Variants in NEURL1 observed in about 807,000 individuals in gnomAD.
NEURL1 encodes E3 ubiquitin-protein ligase NEURL1.
A neutral mutation model predicts 41.2 loss-of-function variants in NEURL1; 26 were observed. The observed-to-expected ratio is 0.63, with a 90% CI of 0.46 to 0.87. The LOEUF (loss-of-function observed/expected upper bound fraction) is 0.87, where lower values mean the gene tolerates loss of function less well. Ranked by LOEUF, NEURL1 falls within the 40% of genes least tolerant of loss-of-function variation. The pLI is 0.00. For synonymous variants in NEURL1, 400 were observed against 402.3 expected, an observed-to-expected ratio of 0.99 and a Z score of 0.07; for missense variants, 761 against 871.1, an observed-to-expected ratio of 0.87 and a Z score of 1.59.
intron 1 of NEURL1, among the ~76,000 whole-genome samples, chr10:103,504,699 G>A (rs968789148): frequency 6.6e-6 from 1 of 152,222 alleles, no homozygotes; most frequent in Non-Finnish European, 1.5e-5. Context: ...CTCCACAGGG[G>A]TGGGTGTTTA....
chr10:103,577,843 C>T (rs1444061558), intron 3 of NEURL1: 1 of 152,236 alleles, frequency 6.6e-6, no homozygotes, highest in Non-Finnish European at 1.5e-5. Flanking sequence ...TTGTCTGGTT[C>T]AGTTATTCCT....
chr10:103,535,109 G>A (rs1674664347), intron 1 of NEURL1, among the ~76,000 whole-genome samples: 2 of 152,132 alleles, frequency 1.3e-5, no homozygotes, highest in African/African-American at 4.8e-5. Flanking sequence ...CTAGAACAAG[G>A]GATTGTGGGG....
chr10:103,587,886 A>G (rs1309439940), intron 4 of NEURL1, among the ~76,000 whole-genome samples: 1 of 152,244 alleles, frequency 6.6e-6, no homozygotes, highest in Non-Finnish European at 1.5e-5. Context: ...CTTAGAAATA[A>G]TAACACAACT....
chr10:103,572,660 C>A (rs543444140), intron 3 of NEURL1, among the ~76,000 whole-genome samples: 1 of 152,356 alleles, frequency 6.6e-6, no homozygotes, highest in Non-Finnish European at 1.5e-5. Context: ...AGGACTAGAA[C>A]TCAGGTCACC....
At chr10:103,514,190 A>G (rs1380460537) in intron 1 of NEURL1, among the ~76,000 whole-genome samples, 1 of 151,780 alleles carries the variant, frequency 6.6e-6, no homozygotes, top group Non-Finnish European at 1.5e-5. Context: ...CTGGGGTTCA[A>G]GCAATTCTCC....
At chr10:103,551,198 T>C (rs191447643) in intron 1 of NEURL1, among the ~76,000 whole-genome samples, 10 of 152,074 alleles carry the variant, frequency 6.6e-5, no homozygotes, top group Admixed American at 2.0e-4. Flanking sequence ...TGGTGTATAG[T>C]GGGCACTCAG....
intron 1 of NEURL1, among the ~76,000 whole-genome samples, chr10:103,560,005 G>A (rs541114377): frequency 3.3e-4 from 50 of 151,004 alleles, no homozygotes; most frequent in African/African-American, 8.0e-4. Flanking sequence ...CACAATGCAC[G>A]CACACATGCA....
chr10:103,565,828 T>C (rs554520525), intron 1 of NEURL1, among the ~76,000 whole-genome samples: 1 of 152,124 alleles, frequency 6.6e-6, no homozygotes, highest in East Asian at 1.9e-4. Flanking sequence ...GTTTTGTAGT[T>C]TTTTTGTAGA....
chr10:103,495,846 G>A (rs183390738), intron 1 of NEURL1, among the ~76,000 whole-genome samples: 35 of 152,326 alleles, frequency 2.3e-4, no homozygotes, highest in Admixed American at 2.0e-3. Flanking sequence ...GGTGGCTCAC[G>A]CCTGTAATCC....
At position 103,556,490 on chromosome 10, in the gene NEURL1, C is replaced by T. The variant is rs1282182328; in HGVS notation, c.86-14382C>T. Among the ~76,000 whole-genome samples, 1 of 152,120 alleles carries T rather than the reference C, an allele frequency of 6.6e-6. No individual in the cohort carries two copies. Among genetic ancestry groups the T allele is most frequent in the Non-Finnish European group, 1.5e-5 (1 of 68,008 alleles). On this transcript the variant is annotated intron_variant, in intron 1 of 5. Coordinates refer to ENST00000369780, the MANE Select transcript of NEURL1 (RefSeq NM_004210.5). The surrounding 1 kb of genome is among the most constrained non-coding windows in gnomAD (Gnocchi z 4.4). The stretch of plus-strand genomic sequence containing the variant: ...TGGGCACTGAGGAGCCTGGGAGAGG[C>T]TCAGGAAGGAAGGAGGGTGGTGGCA...
chr10:103,564,150 G>T (rs777387872), intron 1 of NEURL1, among the ~76,000 whole-genome samples: 11 of 152,192 alleles, frequency 7.2e-5, no homozygotes, highest in Non-Finnish European at 1.3e-4. Flanking sequence ...CTGGGACCCC[G>T]CTGAGAGGCA....
chr10:103,569,676 C>T (rs1413351200), intron 1 of NEURL1, among the ~76,000 whole-genome samples: 1 of 152,236 alleles, frequency 6.6e-6, no homozygotes, highest in Non-Finnish European at 1.5e-5. Flanking sequence ...CTGAGCATTT[C>T]CAGCCCTCAT....
chr10:103,509,037 C>A (rs9419953), intron 1 of NEURL1, among the ~76,000 whole-genome samples: 1 of 151,970 alleles, frequency 6.6e-6, no homozygotes, highest in Non-Finnish European at 1.5e-5. Flanking sequence ...GAGACCAGCC[C>A]GGCCAACATG....
At chr10:103,534,941 T>C (rs1480240808) in intron 1 of NEURL1, among the ~76,000 whole-genome samples, 1 of 152,104 alleles carries the variant, frequency 6.6e-6, no homozygotes, top group Non-Finnish European at 1.5e-5. Flanking sequence ...ATTCTACTGC[T>C]GGGAGGGAGA....
At chr10:103,585,700 G>C (rs1157321377) in intron 4 of NEURL1, among the ~76,000 whole-genome samples, 1 of 152,112 alleles carries the variant, frequency 6.6e-6, no homozygotes, top group African/African-American at 2.4e-5. Flanking sequence ...GGGGCATGGT[G>C]GTGGGCGCCT....
At position 103,494,255 on chromosome 10, in the gene NEURL1, C is replaced by T. The variant is rs946677992; in HGVS notation, c.-133C>T. The T allele has an allele frequency of 8.6e-5, 55 of 639,720 alleles. No homozygotes were observed. The highest frequency in any genetic ancestry group is 8.8e-4 in the Middle Eastern group (2 of 2,266). The allele number at this position is 639,720 out of a possible 1,614,324, so 39.6% of individuals were successfully genotyped here. A position where few individuals can be genotyped will look rare whatever the true frequency, so the allele number is the denominator to read the frequency against. On this transcript the variant is annotated 5_prime_UTR_variant, in exon 1 of 6. Coordinates refer to ENST00000369780, the MANE Select transcript of NEURL1 (RefSeq NM_004210.5). ...AGGAAGCTGAGGAGCTGCCCGCCCGCCCCCGGCTGCAGCCCCAGCAGGGCC... is the reference window on the plus strand; with the variant it reads ...AGGAAGCTGAGGAGCTGCCCGCCCGTCCCCGGCTGCAGCCCCAGCAGGGCC...
At chr10:103,589,343 C>T (rs2035988722) in intron 4 of NEURL1, among the ~76,000 whole-genome samples, 171 bp from the exon 5 acceptor site, 1 of 152,248 alleles carries the variant, frequency 6.6e-6, no homozygotes, top group African/African-American at 2.4e-5. Flanking sequence ...ATTAGCTATA[C>T]TCCACGGCGG....
chr10:103,531,255 T>C (rs2034564224), intron 1 of NEURL1, among the ~76,000 whole-genome samples: 1 of 152,064 alleles, frequency 6.6e-6, no homozygotes, highest in Admixed American at 6.6e-5. Context: ...TTTGATGAAA[T>C]GTTTTGTAAA....
intron 1 of NEURL1, among the ~76,000 whole-genome samples, chr10:103,533,797 A>G (rs537914906): frequency 6.6e-6 from 1 of 152,068 alleles, no homozygotes; most frequent in South Asian, 2.1e-4. Context: ...TGGCCTCCCA[A>G]AGTGCTGGGA....
Sources: gnomAD v4.1 joint callset for allele counts (sites outside exome capture counted in the v4.1 genomes callset) on GRCh38, gnomAD v4.1.1 for gene constraint, Gnocchi (gnomAD v3.1) non-coding constraint, MANE v1.5 for transcripts, NCBI Gene and HGNC (gene_info 2026-07-23, HGNC 2026-07-21) for gene names.